Variants in PCBD2 observed in about 807,000 individuals in gnomAD.
PCBD2 encodes pterin-4 alpha-carbinolamine dehydratase 2.
In PCBD2, 12 loss-of-function variants were observed where a neutral mutation model predicts 16.4. That is an observed-to-expected ratio of 0.73 (90% CI 0.47 to 1.19). PCBD2 has a LOEUF of 1.19. Ranked by LOEUF, PCBD2 falls within the 50% of genes most tolerant of loss-of-function variation. PCBD2 has a pLI of 0.00. For missense variants in PCBD2, 138 were observed against 156.8 expected (o/e 0.88, Z 0.64); for synonymous variants, 58 against 61.8 (o/e 0.94, Z 0.29).
chr5:134,955,226 T>C lies in PCBD2; in HGVS notation c.217-3814T>C, dbSNP rs372581685. Among the ~76,000 whole-genome samples, 170 of 151,970 alleles carry C rather than the reference T, an allele frequency of 1.1e-3. 7 individuals carry two copies. The South Asian group carries it at 0.034, about 31-fold the overall frequency. The stretch of plus-strand genomic sequence containing the variant: ...TTTTTTTTAAATTTTTATCCCCAAG[T>C]GTTCTGAGTCATAGAAAGTTTTCTT... On this transcript the variant is annotated intron_variant, in intron 2 of 3. Coordinates refer to ENST00000254908, the MANE Select transcript of PCBD2 (RefSeq NM_032151.5).
intron 2 of PCBD2, among the ~76,000 whole-genome samples, chr5:134,919,085 A>G (rs1750869810): frequency 6.6e-6 from 1 of 152,266 alleles, no homozygotes; most frequent in Non-Finnish European, 1.5e-5. Context: ...ATGGACTTTT[A>G]ACTGCATAAT....
chr5:134,957,941 A>G (rs956131225), intron 2 of PCBD2, among the ~76,000 whole-genome samples: 2 of 152,338 alleles, frequency 1.3e-5, no homozygotes, highest in African/African-American at 4.8e-5. Flanking sequence ...AATGATATAG[A>G]ATTGTTTAAA....
chr5:134,953,772 G>A (rs987667222), intron 2 of PCBD2, among the ~76,000 whole-genome samples: 1 of 152,162 alleles, frequency 6.6e-6, no homozygotes, highest in African/African-American at 2.4e-5. Context: ...CTGCACTCCA[G>A]CCTGGGCGAC....
chr5:134,944,220 C>G (rs1442198614), intron 2 of PCBD2, among the ~76,000 whole-genome samples: 1 of 152,150 alleles, frequency 6.6e-6, no homozygotes, highest in African/African-American at 2.4e-5. Context: ...CTCCCTGTGC[C>G]TAGTAAGGTT....
chr5:134,958,631 A>G (rs1054211437), intron 2 of PCBD2, among the ~76,000 whole-genome samples: 4 of 152,354 alleles, frequency 2.6e-5, no homozygotes, highest in Non-Finnish European at 5.9e-5. Flanking sequence ...CTTAGTTAGC[A>G]ACCCAATCAC....
At chr5:134,956,796 G>GT (rs1751420364) in intron 2 of PCBD2, among the ~76,000 whole-genome samples, 6 of 152,188 alleles carry the variant, frequency 3.9e-5, no homozygotes, top group Admixed American at 3.9e-4. Context: ...ATTGTGTTTT[G>GT]TAAGGTTTAC....
intron 2 of PCBD2, among the ~76,000 whole-genome samples, chr5:134,929,322 G>A (rs1751063161): frequency 6.6e-6 from 1 of 150,436 alleles, no homozygotes; most frequent in Non-Finnish European, 1.5e-5. Flanking sequence ...ACTGCAACCT[G>A]GGTAATAGAG....
intron 2 of PCBD2, among the ~76,000 whole-genome samples, chr5:134,940,532 G>A (rs771987622): frequency 1.1e-4 from 17 of 152,078 alleles, no homozygotes; most frequent in Non-Finnish European, 2.1e-4. Context: ...TGGCTCTTAA[G>A]TTTGCACTGG....
chr5:134,932,632 C>T (rs1306541057), intron 2 of PCBD2, among the ~76,000 whole-genome samples: 2 of 151,990 alleles, frequency 1.3e-5, no homozygotes, highest in Non-Finnish European at 2.9e-5. Flanking sequence ...ACCATGCCCA[C>T]CCCTGGCAAA....
intron 2 of PCBD2, among the ~76,000 whole-genome samples, chr5:134,949,734 T>C (rs1483341260): frequency 6.6e-6 from 1 of 152,220 alleles, no homozygotes; most frequent in Non-Finnish European, 1.5e-5. Flanking sequence ...GTGAGACATG[T>C]AATCATGTTC....
intron 2 of PCBD2, among the ~76,000 whole-genome samples, chr5:134,951,659 C>T (rs914661844): frequency 2.0e-5 from 3 of 152,182 alleles, no homozygotes; most frequent in African/African-American, 7.2e-5. Context: ...TCCTCACCAA[C>T]AGAATATTAG....
At chr5:134,940,429 A>G (rs892689037) in intron 2 of PCBD2, among the ~76,000 whole-genome samples, 24 of 150,310 alleles carry the variant, frequency 1.6e-4, no homozygotes, top group African/African-American at 5.9e-4. Context: ...GGTGCAGCAT[A>G]TATATTTTTT....
At chr5:134,924,851 CTG>C (rs1750964847) in intron 2 of PCBD2, 1 of 391,074 alleles carries the variant, frequency 2.6e-6, no homozygotes, top group African/African-American at 2.1e-5. Flanking sequence ...AGATAAGGGA[CTG>C]TGCGGTGTAT....
At chr5:134,941,963 A>G (rs1751234225) in intron 2 of PCBD2, among the ~76,000 whole-genome samples, 1 of 149,270 alleles carries the variant, frequency 6.7e-6, no homozygotes, top group Admixed American at 6.7e-5. Flanking sequence ...CTAAAAAAGT[A>G]CCAAAAAAAA....
chr5:134,924,051 A>G (rs78499172), intron 2 of PCBD2: 1 of 396,124 alleles, frequency 2.5e-6, no homozygotes, highest in East Asian at 3.6e-5. Context: ...TGGGGTCATT[A>G]GTGTTCTTGT....
chr5:134,950,498 C>T (rs976540186), intron 2 of PCBD2, among the ~76,000 whole-genome samples: 1 of 152,048 alleles, frequency 6.6e-6, no homozygotes, highest in Admixed American at 6.5e-5. Flanking sequence ...GATTGATGCA[C>T]GATTTTTGTC....
Position 134,961,505 on chromosome 5 carries a change from C to T in PCBD2, c.*824C>T, listed in dbSNP as rs181492394. 1.6e-3 allele frequency among the ~76,000 whole-genome samples: 248 copies of T among 151,960 alleles called. No homozygotes were observed. Among genetic ancestry groups the T allele is most frequent in the African/African-American group, 5.8e-3 (239 of 41,450 alleles). On this transcript the variant is annotated 3_prime_UTR_variant, in exon 4 of 4. Coordinates refer to ENST00000254908, the MANE Select transcript of PCBD2 (RefSeq NM_032151.5). ...TTCATTATGTTGGCCAGGATGGTCT[C>T]GATCTACTGACCTCGTGATCCACCT...
intron 2 of PCBD2, among the ~76,000 whole-genome samples, chr5:134,943,486 A>G (rs1403712761): frequency 6.6e-6 from 1 of 152,188 alleles, no homozygotes; most frequent in African/African-American, 2.4e-5. Flanking sequence ...ATTACTTTAA[A>G]CTTTTACAAA....
At chr5:134,910,311 A>G (rs762209222) in intron 1 of PCBD2, 24 bp from the exon 2 acceptor site, 12 of 1,605,206 alleles carry the variant, frequency 7.5e-6, no homozygotes, top group Non-Finnish European at 9.4e-6. Context: ...ACATTTTCAG[A>G]TATGAAATGT....
Sources: gnomAD v4.1 joint callset for allele counts (sites outside exome capture counted in the v4.1 genomes callset) on GRCh38, gnomAD v4.1.1 for gene constraint, MANE v1.5 for transcripts, NCBI Gene and HGNC (gene_info 2026-07-23, HGNC 2026-07-21) for gene names.